Variants in FER1L6 observed in about 807,000 individuals in gnomAD.
FER1L6 encodes fer-1-like protein 6.
In FER1L6, 177 loss-of-function variants were observed where a neutral mutation model predicts 219.2. The ratio of observed to expected loss-of-function variants is 0.81; its 90% CI spans 0.71 to 0.91. The LOEUF is 0.91. FER1L6 is among the 40% of genes least tolerant of loss of function. The pLI, the probability that FER1L6 is intolerant of heterozygous loss-of-function variation, is 0.00. For missense variants in FER1L6, 2,153 were observed against 2,259.9 expected, an observed-to-expected ratio of 0.95 and a Z score of 0.96; for synonymous variants, 768 against 824.3, an observed-to-expected ratio of 0.93 and a Z score of 1.17.
chr8:123,980,821 G>A lies in FER1L6; in HGVS notation c.1410+10G>A. On this transcript the variant is annotated intron_variant, in intron 11 of 40. Coordinates refer to ENST00000522917, the MANE Select transcript of FER1L6 (RefSeq NM_001039112.2). ...CGATGTCCCCCCGGAGGTAGGTCTA[G>A]GCACTGCATTATGGTACTTTACCTA... is the stretch of plus-strand genomic sequence containing the variant. The A allele has an allele frequency of 6.2e-7, 1 of 1,604,690 alleles. No homozygotes were observed. Among genetic ancestry groups the A allele is most frequent in the Non-Finnish European group, 8.5e-7 (1 of 1,174,376 alleles).
At chr8:124,041,436 C>A (rs1330047671) in intron 20 of FER1L6, among the ~76,000 whole-genome samples, 1 of 152,214 alleles carries the variant, frequency 6.6e-6, no homozygotes, top group African/African-American at 2.4e-5. Flanking sequence ...CGCACACTGA[C>A]AGCGTGATGT....
intron 2 of FER1L6, 108 bp downstream of exon 2, chr8:123,956,182 G>C (rs930107473): frequency 1.0e-6 from 1 of 997,746 alleles, no homozygotes; most frequent in Admixed American, 2.1e-5. Context: ...GGGGGAGTGT[G>C]AATGTGCTGC....
At chr8:123,920,244 G>T (rs1220201596) in intron 1 of FER1L6, among the ~76,000 whole-genome samples, 1 of 152,166 alleles carries the variant, frequency 6.6e-6, no homozygotes, top group African/African-American at 2.4e-5. Context: ...CCACGAAGAG[G>T]TCATCAGGAC....
At chr8:124,047,057 A>G (rs923049436) in intron 21 of FER1L6, among the ~76,000 whole-genome samples, 1 of 152,250 alleles carries the variant, frequency 6.6e-6, no homozygotes, top group African/African-American at 2.4e-5. Flanking sequence ...CAAAATCATT[A>G]CCTTTTCAAT....
At chr8:123,955,796 T>A (rs113188140) in intron 1 of FER1L6, among the ~76,000 whole-genome samples, 196 bp from the exon 2 acceptor site, 32 of 152,170 alleles carry the variant, frequency 2.1e-4, no homozygotes, top group African/African-American at 7.0e-4. Flanking sequence ...CGGGTGGGAT[T>A]TTTGTGGTTT....
chr8:123,988,666 G>A (rs1370622593), intron 12 of FER1L6, among the ~76,000 whole-genome samples: 1 of 152,144 alleles, frequency 6.6e-6, no homozygotes. Flanking sequence ...ATTTTTAAAT[G>A]TTGATTTTGC....
At chr8:124,081,960 G>A (rs1206199360) in intron 32 of FER1L6, among the ~76,000 whole-genome samples, 1 of 152,212 alleles carries the variant, frequency 6.6e-6, no homozygotes, top group African/African-American at 2.4e-5. Context: ...GGAAATTGCA[G>A]ATTCAAAACC....
chr8:123,999,456 G>T (rs769989965), intron 12 of FER1L6, among the ~76,000 whole-genome samples: 10 of 152,170 alleles, frequency 6.6e-5, no homozygotes, highest in Non-Finnish European at 1.3e-4. Flanking sequence ...GACCAGCCTG[G>T]CCAACGTGGT....
At chr8:124,017,782 A>G (rs943130025) in intron 16 of FER1L6, 64 bp downstream of exon 16, 3 of 1,360,716 alleles carry the variant, frequency 2.2e-6, no homozygotes, top group Non-Finnish European at 3.1e-6. Context: ...GATGAGGCAT[A>G]GGTCACAGAC....
chr8:123,898,557 T>G (rs920440607), intron 1 of FER1L6, among the ~76,000 whole-genome samples: 14 of 150,830 alleles, frequency 9.3e-5, no homozygotes, highest in African/African-American at 3.4e-4. Context: ...CTGAGTTACT[T>G]CATTTAGTTA....
At chr8:123,898,368 A>AGG (rs1264437080) in intron 1 of FER1L6, among the ~76,000 whole-genome samples, 1 of 151,834 alleles carries the variant, frequency 6.6e-6, no homozygotes, top group Non-Finnish European at 1.5e-5. Flanking sequence ...GATTTGTGAG[A>AGG]TTTTGGTGCA....
chr8:124,038,862 A>G (rs1460496129), intron 19 of FER1L6, among the ~76,000 whole-genome samples: 2 of 152,244 alleles, frequency 1.3e-5, no homozygotes, highest in East Asian at 3.9e-4. Flanking sequence ...CCACTCCCCA[A>G]GTCTGCACAA....
chr8:123,913,748 A>G (rs952560270), intron 1 of FER1L6, among the ~76,000 whole-genome samples: 7 of 152,134 alleles, frequency 4.6e-5, no homozygotes, highest in South Asian at 2.1e-4. Context: ...CATGTCTATC[A>G]TATGTGTGCA....
chr8:124,099,100 A>AT (rs1472414488), intron 37 of FER1L6, among the ~76,000 whole-genome samples: 1 of 152,004 alleles, frequency 6.6e-6, no homozygotes, highest in African/African-American at 2.4e-5. Context: ...TTGAAAGCTC[A>AT]TTTTCTGCCG....
At chr8:123,950,445 G>A (rs562292065) in intron 1 of FER1L6, among the ~76,000 whole-genome samples, 2 of 152,282 alleles carry the variant, frequency 1.3e-5, no homozygotes, top group South Asian at 4.2e-4. Flanking sequence ...TTGCCATTTT[G>A]CCCTTGAACA....
intron 1 of FER1L6, among the ~76,000 whole-genome samples, chr8:123,938,506 A>G (rs920423389): frequency 4.0e-5 from 6 of 150,038 alleles, no homozygotes; most frequent in Admixed American, 2.7e-4. Context: ...CTTAGAATCC[A>G]TTGCTTGTTT....
chr8:124,106,191 T>A (rs979348580), intron 39 of FER1L6, among the ~76,000 whole-genome samples: 4 of 151,710 alleles, frequency 2.6e-5, no homozygotes, highest in South Asian at 2.1e-4. Context: ...TAGCTGGGCG[T>A]GGTGGCGGGT....
rs1327369049 is a variant in FER1L6, at chr8:123,853,391, A to G, written c.-8+1206A>G. Among the ~76,000 whole-genome samples the G allele has an allele frequency of 6.6e-6, 1 of 150,832 alleles. No individual in the cohort carries two copies. Among genetic ancestry groups the G allele is most frequent in the South Asian group, 2.1e-4 (1 of 4,736 alleles). ...GATGGTCTCAAACTTCTGACCTCAAACGATCCACCCACCTCAGCCTCCCAA... is the reference window on the plus strand; with the variant it reads ...GATGGTCTCAAACTTCTGACCTCAAGCGATCCACCCACCTCAGCCTCCCAA... On this transcript the variant is annotated intron_variant, in intron 1 of 40. Coordinates refer to ENST00000522917, the MANE Select transcript of FER1L6 (RefSeq NM_001039112.2). The surrounding 1 kb of genome is among the most constrained non-coding windows in gnomAD (Gnocchi z 6.6).
At chr8:124,110,033 CT>C (rs552161113) in intron 39 of FER1L6, among the ~76,000 whole-genome samples, 71 of 152,252 alleles carry the variant, frequency 4.7e-4, no homozygotes, top group African/African-American at 1.7e-3. Flanking sequence ...ATATGTTCCC[CT>C]AACTAATCAC....
Sources: allele counts gnomAD v4.1 joint callset (sites outside exome capture counted in the v4.1 genomes callset), GRCh38; gene constraint gnomAD v4.1.1; non-coding constraint Gnocchi (gnomAD v3.1); transcripts MANE v1.5; gene names NCBI Gene and HGNC (gene_info 2026-07-23, HGNC 2026-07-21).